UBE3D: variants seen among roughly 807,000 people sequenced by gnomAD.
The protein encoded by UBE3D is E3 ubiquitin-protein ligase E3D.
UBE3D carries 48 observed loss-of-function variants against 49.6 expected under a neutral mutation model. The ratio of observed to expected loss-of-function variants is 0.97; its 90% CI spans 0.77 to 1.23. The LOEUF (loss-of-function observed/expected upper bound fraction) is 1.23, where lower values mean the gene tolerates loss of function less well. UBE3D is among the 50% of genes most tolerant of loss of function. The pLI is 0.00. For missense variants in UBE3D, 452 were observed against 468.4 expected, an observed-to-expected ratio of 0.96 and a Z score of 0.32; for synonymous variants, 189 against 174.2, an observed-to-expected ratio of 1.08 and a Z score of -0.67.
Position 82,925,515 on chromosome 6 carries a change from G to A in UBE3D, c.1149+31797C>T, listed in dbSNP as rs182800283. 6.6e-5 allele frequency among the ~76,000 whole-genome samples: 10 copies of A among 152,272 alleles called. No homozygotes were observed. In the South Asian group the frequency reaches 8.3e-4, roughly 13 times the overall value. On this transcript the variant is annotated intron_variant, in intron 9 of 9. Coordinates refer to ENST00000369747, the MANE Select transcript of UBE3D (RefSeq NM_198920.3). ...CTTCAGATGTAAGTAACCTGAGGAG[G>A]AAACATGGGGAATCCATCCTATCCT...
chr6:83,064,285 G>A (rs1302357981), intron 1 of UBE3D, among the ~76,000 whole-genome samples: 1 of 151,884 alleles, frequency 6.6e-6, no homozygotes, highest in Non-Finnish European at 1.5e-5. Context: ...CTGCAGTGGC[G>A]CGATCTCAGC....
At chr6:83,061,194 A>G (rs1462053950) in intron 1 of UBE3D, among the ~76,000 whole-genome samples, 3 of 152,216 alleles carry the variant, frequency 2.0e-5, no homozygotes, top group African/African-American at 7.2e-5. Flanking sequence ...AGGATATTCT[A>G]CAAAATGATT....
intron 4 of UBE3D, among the ~76,000 whole-genome samples, chr6:83,043,280 T>C (rs1297209763): frequency 2.0e-5 from 3 of 152,098 alleles, no homozygotes; most frequent in African/African-American, 7.2e-5. Context: ...TTGAAATGTA[T>C]AGCTTAATCA....
intron 9 of UBE3D, among the ~76,000 whole-genome samples, chr6:82,956,276 T>A (rs564108210): frequency 1.3e-5 from 2 of 152,202 alleles, no homozygotes; most frequent in South Asian, 4.1e-4. Flanking sequence ...CGAGGGCTCG[T>A]ATTTTCCCAT....
At chr6:83,062,846 CT>C (rs2127861755) in intron 1 of UBE3D, among the ~76,000 whole-genome samples, 1 of 152,168 alleles carries the variant, frequency 6.6e-6, no homozygotes, top group East Asian at 1.9e-4. Context: ...GCCTTTTCAA[CT>C]GATGGTGATA....
intron 9 of UBE3D, among the ~76,000 whole-genome samples, chr6:82,941,393 A>G (rs533237729): frequency 6.6e-6 from 1 of 152,158 alleles, no homozygotes; most frequent in Non-Finnish European, 1.5e-5. Context: ...TGAAAGTGGA[A>G]TATAACAGAT....
At chr6:82,964,447 T>C (rs1157323431) in intron 8 of UBE3D, among the ~76,000 whole-genome samples, 1 of 152,172 alleles carries the variant, frequency 6.6e-6, no homozygotes. Context: ...ATGGTATGTA[T>C]GAGAGAGCTC....
chr6:82,990,720 A>C (rs1293926983), intron 8 of UBE3D, among the ~76,000 whole-genome samples: 1 of 152,128 alleles, frequency 6.6e-6, no homozygotes, highest in Non-Finnish European at 1.5e-5. Context: ...CTATTCCTCT[A>C]CCTGCTCCTT....
intron 8 of UBE3D, among the ~76,000 whole-genome samples, chr6:82,976,677 T>C (rs1777739622): frequency 1.3e-5 from 2 of 152,292 alleles, no homozygotes; most frequent in African/African-American, 4.8e-5. Context: ...CTTAGAAACA[T>C]CATCTGTGTG....
intron 8 of UBE3D, among the ~76,000 whole-genome samples, chr6:83,006,054 G>A (rs762536450): frequency 1.2e-4 from 18 of 151,936 alleles, no homozygotes; most frequent in Admixed American, 2.6e-4. Flanking sequence ...GTGAAACCCC[G>A]TCTCTACTAA....
intron 9 of UBE3D, among the ~76,000 whole-genome samples, chr6:82,896,953 C>G (rs1240910424): frequency 3.3e-5 from 5 of 151,876 alleles, no homozygotes; most frequent in African/African-American, 1.2e-4. Context: ...GTTGGTCAGG[C>G]TGGTCTCGAA....
intron 8 of UBE3D, among the ~76,000 whole-genome samples, chr6:82,987,250 G>A (rs1451950298): frequency 6.6e-6 from 1 of 152,162 alleles, no homozygotes; most frequent in African/African-American, 2.4e-5. Flanking sequence ...CTGGCCTCAA[G>A]TAATCCTTCC....
At chr6:83,040,397 CTCTCTCTA>C (rs1056078975) in intron 4 of UBE3D, among the ~76,000 whole-genome samples, 37 of 90,520 alleles carry the variant, frequency 4.1e-4, no homozygotes, top group South Asian at 8.3e-4. Context: ...CTCTCTCTCT[CTCTCTCTA>C]TATATATATA....
chr6:83,007,507 T>C (rs1780057997), intron 8 of UBE3D, among the ~76,000 whole-genome samples: 1 of 152,226 alleles, frequency 6.6e-6, no homozygotes, highest in African/African-American at 2.4e-5. Flanking sequence ...TTGATAACTA[T>C]GAAATTCTTC....
intron 4 of UBE3D, 38 bp from the exon 5 acceptor site, chr6:83,038,523 C>T (rs1471323139): frequency 6.5e-7 from 1 of 1,550,068 alleles, no homozygotes; most frequent in Non-Finnish European, 8.8e-7. Context: ...TGTCATTCAG[C>T]TTTTCTTAAA....
At chr6:82,931,620 C>T (rs1464633131) in intron 9 of UBE3D, among the ~76,000 whole-genome samples, 1 of 152,198 alleles carries the variant, frequency 6.6e-6, no homozygotes, top group Non-Finnish European at 1.5e-5. Context: ...AATAAATGCC[C>T]TATTGGATTT....
chr6:82,990,047 A>G (rs1778780368), intron 8 of UBE3D, among the ~76,000 whole-genome samples: 1 of 152,174 alleles, frequency 6.6e-6, no homozygotes, highest in Non-Finnish European at 1.5e-5. Context: ...TGAAGCTAGT[A>G]TGTCCAAGGA....
intron 5 of UBE3D, chr6:83,037,880 T>C (rs540222592): frequency 6.6e-6 from 1 of 152,146 alleles, no homozygotes; most frequent in East Asian, 1.9e-4. Flanking sequence ...AATTCGGAAT[T>C]TTTTTTCTTC....
intron 9 of UBE3D, among the ~76,000 whole-genome samples, chr6:82,909,283 G>C (rs1262605093): frequency 6.6e-6 from 1 of 152,174 alleles, no homozygotes; most frequent in African/African-American, 2.4e-5. Flanking sequence ...AAAACAAGTA[G>C]CTTACAACTC....
Sources: allele counts gnomAD v4.1 joint callset (sites outside exome capture counted in the v4.1 genomes callset), GRCh38; gene constraint gnomAD v4.1.1; transcripts MANE v1.5; gene names NCBI Gene and HGNC (gene_info 2026-07-23, HGNC 2026-07-21).